TTYH1: variants seen among roughly 807,000 people sequenced by gnomAD.
The protein encoded by TTYH1 is tweety family member 1.
In TTYH1, 33 loss-of-function variants were observed where a neutral mutation model predicts 61.2. That is an observed-to-expected ratio of 0.54 (90% confidence interval 0.41 to 0.72). The LOEUF (loss-of-function observed/expected upper bound fraction) is 0.72. Ranked by LOEUF, TTYH1 falls within the 30% of genes least tolerant of loss-of-function variation. The pLI is 0.00. For synonymous variants in TTYH1, 308 were observed against 266.4 expected (o/e 1.16, Z -1.52); for missense variants, 538 against 575.8 (o/e 0.93, Z 0.67).
chr19:54,429,411 G>C lies in TTYH1; in HGVS notation c.807+32G>C. On this transcript the variant is annotated intron_variant, in intron 6 of 13. Coordinates refer to ENST00000376530, the MANE Select transcript of TTYH1 (RefSeq NM_020659.4). This position sits in a 1 kb window ranked among gnomAD's most constrained non-coding sequence, Gnocchi z 5.1. The stretch of plus-strand genomic sequence containing the variant: ...GCCAGGGCCGGGCCATTGGGCTCTG[G>C]GACTCAGGGGGCCTGGAGACTTCAA... 1 of 1,600,438 alleles carries C rather than the reference G, an allele frequency of 6.2e-7. No homozygotes were observed. Among genetic ancestry groups the C allele is most frequent in the Non-Finnish European group, 8.6e-7 (1 of 1,168,972 alleles).
Position 54,419,536 on chromosome 19 carries a change from C to T in TTYH1, c.305+230C>T. 1.4e-6 allele frequency: 1 copy of T among 706,606 alleles called. No individual in the cohort carries two copies. 43.8% of individuals were successfully genotyped at this position (706,606 alleles called of 1,614,324 possible). A position where few individuals can be genotyped will look rare whatever the true frequency, so the allele number is the denominator to read the frequency against. ...TGGAGAGGAAGTGAATCAAGGGCAG[C>T]CATCTGGTGAGAAGGCGCAGGGGCA... is the stretch of plus-strand genomic sequence containing the variant. On this transcript the variant is annotated intron_variant, in intron 2 of 13. Transcript: ENST00000376530. The surrounding 1 kb of genome is among the most constrained non-coding windows in gnomAD (Gnocchi z 6.1).
rs927547947 is a variant in TTYH1 at position 54,416,904 on chromosome 19, C to T, written c.126+1226C>T. 1.5e-5 allele frequency: 19 copies of T among 1,285,752 alleles called. No homozygotes were observed. Among genetic ancestry groups the T allele is most frequent in the Non-Finnish European group, 1.9e-5 (19 of 985,460 alleles). 79.6% of individuals were successfully genotyped at this position (1,285,752 alleles called of 1,614,324 possible). On this transcript the variant is annotated intron_variant, in intron 1 of 13. Coordinates refer to ENST00000376530, the MANE Select transcript of TTYH1 (RefSeq NM_020659.4). The surrounding 1 kb of genome is among the most constrained non-coding windows in gnomAD (Gnocchi z 7.0). ...TCCCGAAGCCGCACGCGGGGATCCG[C>T]GGCCCCAGTCACCGCCAGAGGCACG...
Position 54,419,333 on chromosome 19 carries a change from G to C in TTYH1, c.305+27G>C. On this transcript the variant is annotated intron_variant, in intron 2 of 13. Coordinates refer to ENST00000376530, the MANE Select transcript of TTYH1 (RefSeq NM_020659.4). The surrounding 1 kb of genome is among the most constrained non-coding windows in gnomAD (Gnocchi z 6.1). ...TAATGGGGCCCCAGGGTGGGTGGGCGGTGGGGACAGGGCTCCCCAAGCTCT... is the reference window on the plus strand; with the variant it reads ...TAATGGGGCCCCAGGGTGGGTGGGCCGTGGGGACAGGGCTCCCCAAGCTCT... The C allele has an allele frequency of 6.3e-7, 1 of 1,577,088 alleles. No individual in the cohort carries two copies.
chr19:54,431,434 C>A, intron 10 of TTYH1: 1 of 545,132 alleles, frequency 1.8e-6, no homozygotes, highest in Non-Finnish European at 3.2e-6. Flanking sequence ...AACTCCCGCA[C>A]TCCCCGCTGG....
chr19:54,416,680 T>G lies in TTYH1; in HGVS notation c.126+1002T>G. 1 of 1,174,028 alleles carries G rather than the reference T, an allele frequency of 8.5e-7. No individual in the cohort carries two copies. The highest frequency in any genetic ancestry group is 1.3e-5 in the South Asian group (1 of 74,976). The allele number at this position is 1,174,028 out of a possible 1,614,324, so 72.7% of individuals were successfully genotyped here. A position where few individuals can be genotyped will look rare whatever the true frequency, so the allele number is the denominator to read the frequency against. ...AAGCGCGGAGGGGATGAGTGCTGTG[T>G]TCTGAGCTATTTGGGTCACGGCTGG... On this transcript the variant is annotated intron_variant, in intron 1 of 13. Transcript: ENST00000376530. The surrounding 1 kb of genome is among the most constrained non-coding windows in gnomAD (Gnocchi z 7.0).
chr19:54,435,740 G>A (rs1324917134), intron 11 of TTYH1, 56 bp downstream of exon 11: 53 of 1,611,376 alleles, frequency 3.3e-5, no homozygotes, highest in Non-Finnish European at 4.3e-5. Context: ...GCAGCACCTG[G>A]GGACCACGGT....
At chr19:54,435,998 G>A (rs1424319786) in intron 12 of TTYH1, 93 bp from the exon 13 acceptor site, 1 of 1,573,460 alleles carries the variant, frequency 6.4e-7, no homozygotes, top group Non-Finnish European at 8.7e-7. Flanking sequence ...CCGGACTCCT[G>A]GGTCTGAGGG....
At position 54,422,216 on chromosome 19, in the gene TTYH1, C is replaced by T. The variant is rs767648405; in HGVS notation, c.444C>T (p.Gly148=). 113 of 1,564,222 alleles carry T rather than the reference C, an allele frequency of 7.2e-5. No homozygotes were observed. The highest frequency in any genetic ancestry group is 2.0e-4 in the Middle Eastern group (1 of 5,108). ...HLVLETVERL[G]EAVRTELTTL... ...TGTTGGAGACGGTGGAGAGGCTGGG[C>T]GAGGCGGTGAGGACAGAGCTGACCA... Residue 148 remains glycine, a synonymous_variant, in exon 4 of 14, where the codon GGC becomes GGT. Coordinates refer to ENST00000376530, the MANE Select transcript of TTYH1 (RefSeq NM_020659.4).
intron 4 of TTYH1, among the ~76,000 whole-genome samples, chr19:54,423,439 G>T (rs2083259747): frequency 6.6e-6 from 1 of 152,016 alleles, no homozygotes; most frequent in Non-Finnish European, 1.5e-5. Flanking sequence ...CTTGTGATCT[G>T]CCCGCCTTGG....
Position 54,415,962 on chromosome 19 carries a change from C to A in TTYH1, c.126+284C>A. On this transcript the variant is annotated intron_variant, in intron 1 of 13. Transcript: ENST00000376530. The surrounding 1 kb of genome is among the most constrained non-coding windows in gnomAD (Gnocchi z 5.2). ...AGGAGGGGAGGGGGGCCCGGATTCC[C>A]GGGTGTCTGATACCTGCCTGGGAAG... is the stretch of plus-strand genomic sequence containing the variant. The A allele has an allele frequency of 2.6e-6, 3 of 1,169,994 alleles. No homozygotes were observed. Among genetic ancestry groups the A allele is most frequent in the African/African-American group, 1.6e-5 (1 of 64,450 alleles). 72.5% of individuals were successfully genotyped at this position (1,169,994 alleles called of 1,614,324 possible).
At chr19:54,428,397 G>A (rs2083372415) in intron 5 of TTYH1, among the ~76,000 whole-genome samples, 1 of 151,580 alleles carries the variant, frequency 6.6e-6, no homozygotes, top group Non-Finnish European at 1.5e-5. Context: ...CCTAAGTTTT[G>A]TATATTTTTG....
chr19:54,430,582 G>A lies in TTYH1; in HGVS notation c.916G>A (p.Ala306Thr), dbSNP rs1389141422. 1.2e-6 allele frequency: 2 copies of A among 1,613,640 alleles called. No homozygotes were observed. Among genetic ancestry groups the A allele is most frequent in the Non-Finnish European group, 1.7e-6 (2 of 1,179,872 alleles). Residue 306 changes from alanine (A) to threonine (T), a missense_variant, in exon 8 of 14, where the codon GCC (alanine) becomes ACC (threonine). Coordinates refer to ENST00000376530, the MANE Select transcript of TTYH1 (RefSeq NM_020659.4). ...ILSYYLLCNR[A>T]VSNPFQQRLT... ...GAGCTATTATCTCCTCTGCAACCGGGCCGTCTCCAACCCCTTCCAACAGGT... is the reference window on the plus strand; with the variant it reads ...GAGCTATTATCTCCTCTGCAACCGGACCGTCTCCAACCCCTTCCAACAGGT...
At chr19:54,428,082 T>TG (rs1453812369) in intron 5 of TTYH1, among the ~76,000 whole-genome samples, 2 of 125,272 alleles carry the variant, frequency 1.6e-5, no homozygotes, top group East Asian at 2.4e-4. Flanking sequence ...CGGCTAAGTT[T>TG]TTTTTTTTTT....
At chr19:54,417,680 C>T (rs548478255) in intron 1 of TTYH1, among the ~76,000 whole-genome samples, 3 of 146,358 alleles carry the variant, frequency 2.0e-5, no homozygotes, top group South Asian at 4.2e-4. Flanking sequence ...CACGTTTATA[C>T]TCCCATACAC....
chr19:54,431,177 C>A lies in TTYH1; in HGVS notation c.1111C>A (p.Arg371Ser). ...FHQLVALLHCRSLHKDYGAAL... is the reference protein window; with the variant it reads ...FHQLVALLHCSSLHKDYGAAL... ...CCAGTTGGTGGCACTGCTACACTGC[C>A]GCAGCCTGCACAAGGTGAAGCCCCT... The change falls in exon 10 of 14, where the codon CGC becomes AGC. Residue 371 changes from arginine (R) to serine (S), a missense_variant. Coordinates refer to ENST00000376530, the MANE Select transcript of TTYH1 (RefSeq NM_020659.4). 1 of 1,613,380 alleles carries A rather than the reference C, an allele frequency of 6.2e-7. No homozygotes were observed. The highest frequency in any genetic ancestry group is 8.5e-7 in the Non-Finnish European group (1 of 1,179,400).
chr19:54,422,891 T>G (rs2083247199), intron 4 of TTYH1, among the ~76,000 whole-genome samples: 1 of 139,936 alleles, frequency 7.1e-6, no homozygotes, highest in African/African-American at 2.8e-5. Context: ...ATTTCACCAT[T>G]GCACTCCAGC....
rs575619804 is a variant in TTYH1 at position 54,430,467 on chromosome 19, A to G, written c.884-83A>G. 4.9e-5 allele frequency: 73 copies of G among 1,483,548 alleles called. No individual in the cohort carries two copies. In the East Asian group the frequency reaches 1.5e-3, roughly 30 times the overall value. The allele number at this position is 1,483,548 out of a possible 1,614,324, so 91.9% of individuals were successfully genotyped here. On this transcript the variant is annotated intron_variant, in intron 7 of 13. Coordinates refer to ENST00000376530, the MANE Select transcript of TTYH1 (RefSeq NM_020659.4). ...TGGGCTGAGGCCCCTAACCCTGCTAACCCCCCAGTGCCCGGCCTTCCCCCG... is the reference window on the plus strand; with the variant it reads ...TGGGCTGAGGCCCCTAACCCTGCTAGCCCCCCAGTGCCCGGCCTTCCCCCG...
chr19:54,423,026 C>T (rs562472062), intron 4 of TTYH1, among the ~76,000 whole-genome samples: 60 of 151,708 alleles, frequency 4.0e-4, no homozygotes, highest in Admixed American at 2.8e-3. Flanking sequence ...ATGTCCTCAC[C>T]CATTCACTCA....
chr19:54,429,459 G>A lies in TTYH1; in HGVS notation c.807+80G>A. On this transcript the variant is annotated intron_variant, in intron 6 of 13. Transcript: ENST00000376530. This position sits in a 1 kb window ranked among gnomAD's most constrained non-coding sequence, Gnocchi z 5.1. ...CAACTTCTGGATCTCGGGATGGCATGGCTTAGTAGAGAAAGGAATTGGGGG... is the reference window on the plus strand; with the variant it reads ...CAACTTCTGGATCTCGGGATGGCATAGCTTAGTAGAGAAAGGAATTGGGGG... The A allele has an allele frequency of 7.4e-7, 1 of 1,345,822 alleles. No individual in the cohort carries two copies. The highest frequency in any genetic ancestry group is 1.1e-6 in the Non-Finnish European group (1 of 946,620). The allele number at this position is 1,345,822 out of a possible 1,614,324, so 83.4% of individuals were successfully genotyped here.
Sources: allele counts gnomAD v4.1 joint callset (sites outside exome capture counted in the v4.1 genomes callset), GRCh38; gene constraint gnomAD v4.1.1; non-coding constraint Gnocchi (gnomAD v3.1); transcripts MANE v1.5; gene names NCBI Gene and HGNC (gene_info 2026-07-23, HGNC 2026-07-21).